The following PACS1 variants were observed in gnomAD, a reference collection of about 807,000 sequenced individuals.
PACS1 encodes the protein phosphofurin acidic cluster sorting protein 1.
PACS1 carries 24 observed loss-of-function variants against 115.0 expected under a neutral mutation model. The observed-to-expected ratio is 0.21, with a 90% CI of 0.15 to 0.29. The LOEUF (loss-of-function observed/expected upper bound fraction) is 0.29, where lower values mean the gene tolerates loss of function less well. Among genes scored for constraint, PACS1 ranks in the 10% least tolerant of loss-of-function variants. The probability of loss-of-function intolerance (pLI) is 1.00; values close to 1 mark genes in which losing one functional copy is unlikely to be tolerated. For missense variants in PACS1, 838 were observed against 1,251.2 expected, an observed-to-expected ratio of 0.67 and a Z score of 4.98; for synonymous variants, 453 against 504.5, an observed-to-expected ratio of 0.90 and a Z score of 1.37.
At chr11:66,111,196 G>C (rs914746408) in intron 1 of PACS1, among the ~76,000 whole-genome samples, 1 of 152,130 alleles carries the variant, frequency 6.6e-6, no homozygotes. Context: ...AGTGGTATTT[G>C]TGGATCTAAA....
At chr11:66,202,742 A>AAAAAAAAAATATATATATAT (rs1200930188) in intron 2 of PACS1, among the ~76,000 whole-genome samples, 1 of 71,608 alleles carries the variant, frequency 1.4e-5, no homozygotes, top group African/African-American at 7.9e-5. Flanking sequence ...AAAAAAAAAA[A>AAAAAAAAAATATATATATAT]ATATATATAT....
intron 8 of PACS1, 74 bp from the exon 9 acceptor site, chr11:66,220,557 A>AG (rs1855318986): frequency 7.6e-6 from 11 of 1,442,698 alleles, no homozygotes; most frequent in Non-Finnish European, 1.9e-6. Context: ...GCAGCCCAGG[A>AG]GAAAGGAGCT....
intron 1 of PACS1, among the ~76,000 whole-genome samples, chr11:66,141,804 GTTTGT>G (rs1427820317): frequency 6.6e-6 from 1 of 151,728 alleles, no homozygotes; most frequent in East Asian, 2.0e-4. Flanking sequence ...GTTGTTTTTT[GTTTGT>G]TTTGTTTTGT....
At chr11:66,117,879 T>C (rs548872527) in intron 1 of PACS1, among the ~76,000 whole-genome samples, 5 of 152,284 alleles carry the variant, frequency 3.3e-5, no homozygotes, top group African/African-American at 1.2e-4. Flanking sequence ...GTTTGTTTCC[T>C]CTTTGATGCT....
Position 66,235,427 on chromosome 11 carries a change from C to T in PACS1, c.2207+24C>T, listed in dbSNP as rs781257952. The T allele has an allele frequency of 2.0e-6, 3 of 1,537,994 alleles. No homozygotes were observed. The highest frequency in any genetic ancestry group is 4.5e-5 in the East Asian group (2 of 44,462). The stretch of plus-strand genomic sequence containing the variant: ...TTGTAAGTTTGACTTTGAGGGGTTT[C>T]TTAAAAATAGGTTGGGTGGGTTAGA... On this transcript the variant is annotated intron_variant, in intron 18 of 23. Transcript: ENST00000320580. This position sits in a 1 kb window ranked among gnomAD's most constrained non-coding sequence, Gnocchi z 5.6.
chr11:66,220,328 T>C lies in PACS1; in HGVS notation c.1039-303T>C, dbSNP rs146213795. ...TGAGAGCGATTGCTTCGCCTTCCTG[T>C]GAGCTGTAAGGAGGGTAGGAAGAAC... On this transcript the variant is annotated intron_variant, in intron 8 of 23. Transcript: ENST00000320580. 1.9e-3 allele frequency: 731 copies of C among 382,410 alleles called. 5 individuals carry two copies. The highest frequency in any genetic ancestry group is 0.013 in the African/African-American group (630 of 49,184). 23.7% of individuals were successfully genotyped at this position (382,410 alleles called of 1,614,324 possible).
At chr11:66,090,005 C>CAAAAAA (rs33912143) in intron 1 of PACS1, among the ~76,000 whole-genome samples, 29 of 80,498 alleles carry the variant, frequency 3.6e-4, no homozygotes, top group African/African-American at 4.1e-4. Flanking sequence ...GACTCCATCT[C>CAAAAAA]AAAAAAAAAA....
chr11:66,150,868 G>C (rs1859218723), intron 1 of PACS1, among the ~76,000 whole-genome samples: 1 of 152,088 alleles, frequency 6.6e-6, no homozygotes, highest in Non-Finnish European at 1.5e-5. Flanking sequence ...ATAATAGAAG[G>C]AGCAAGAATT....
chr11:66,231,622 C>A (rs958409910), intron 13 of PACS1, among the ~76,000 whole-genome samples: 9 of 152,098 alleles, frequency 5.9e-5, no homozygotes, highest in African/African-American at 2.2e-4. Flanking sequence ...GAGCTCCATG[C>A]TATTACATGG....
chr11:66,192,533 TGCAAGACA>T (rs1222929410), intron 1 of PACS1, among the ~76,000 whole-genome samples: 2 of 152,100 alleles, frequency 1.3e-5, no homozygotes, highest in Non-Finnish European at 2.9e-5. Context: ...GCTGTGGAGA[TGCAAGACA>T]GGGGCCTGAG....
chr11:66,224,165 C>G (rs571238793), intron 10 of PACS1, among the ~76,000 whole-genome samples: 1 of 130,806 alleles, frequency 7.6e-6, no homozygotes, highest in Admixed American at 9.5e-5. Context: ...CACTGCACTC[C>G]AGCCTGGGTA....
intron 2 of PACS1, among the ~76,000 whole-genome samples, chr11:66,197,400 T>C (rs1854674335): frequency 1.3e-5 from 2 of 152,224 alleles, no homozygotes; most frequent in Non-Finnish European, 2.9e-5. Flanking sequence ...GTCTTATTGA[T>C]ATTATTTAAA....
intron 1 of PACS1, among the ~76,000 whole-genome samples, chr11:66,105,347 G>C (rs1184572639): frequency 6.6e-6 from 1 of 152,038 alleles, no homozygotes; most frequent in Non-Finnish European, 1.5e-5. Context: ...CGCTTGAACC[G>C]GGGAGGCAGA....
chr11:66,233,720 G>T lies in PACS1; in HGVS notation c.1839-65G>T. 1 of 1,499,300 alleles carries T rather than the reference G, an allele frequency of 6.7e-7. No homozygotes were observed. The highest frequency in any genetic ancestry group is 9.0e-7 in the Non-Finnish European group (1 of 1,111,854). The allele number at this position is 1,499,300 out of a possible 1,614,324, so 92.9% of individuals were successfully genotyped here. A position where few individuals can be genotyped will look rare whatever the true frequency, so the allele number is the denominator to read the frequency against. On this transcript the variant is annotated intron_variant, in intron 15 of 23. Transcript: ENST00000320580. The surrounding 1 kb of genome is among the most constrained non-coding windows in gnomAD (Gnocchi z 4.5). ...GTTGAGATCACAGAAAGTCAGCTCT[G>T]GGCCTCCCCCGGGCAGGATCCTGGC... is the stretch of plus-strand genomic sequence containing the variant.
intron 1 of PACS1, 35 bp from the exon 2 acceptor site, chr11:66,193,451 G>GC (rs1565141453): frequency 7.0e-7 from 1 of 1,435,398 alleles, no homozygotes; most frequent in Non-Finnish European, 9.8e-7. Flanking sequence ...CAAGTTCCTC[G>GC]CATATGACAG....
At chr11:66,227,018 T>TGTTAGAGTGA (rs1855481659) in intron 10 of PACS1, among the ~76,000 whole-genome samples, 1 of 152,352 alleles carries the variant, frequency 6.6e-6, no homozygotes, top group East Asian at 1.9e-4. Context: ...TAGTATATCC[T>TGTTAGAGTGA]GTTAGAGGGT....
At chr11:66,210,340 A>G (rs1395655124) in intron 2 of PACS1, 22 bp from the exon 3 acceptor site, 3 of 1,603,906 alleles carry the variant, frequency 1.9e-6, no homozygotes, top group Admixed American at 3.3e-5. Context: ...CTGGCCAAAC[A>G]GACTTTTCTT....
chr11:66,091,958 T>C (rs1359485204), intron 1 of PACS1, among the ~76,000 whole-genome samples: 1 of 152,132 alleles, frequency 6.6e-6, no homozygotes. Flanking sequence ...TCTTTGCTAT[T>C]GTGAATAGTG....
intron 1 of PACS1, among the ~76,000 whole-genome samples, chr11:66,110,074 A>C (rs769137827): frequency 6.6e-6 from 1 of 152,136 alleles, no homozygotes; most frequent in Non-Finnish European, 1.5e-5. Flanking sequence ...CTTGGTTGCC[A>C]TTTACTTTAA....
Sources: gnomAD v4.1 joint callset for allele counts (sites outside exome capture counted in the v4.1 genomes callset) on GRCh38, gnomAD v4.1.1 for gene constraint, Gnocchi (gnomAD v3.1) non-coding constraint, MANE v1.5 for transcripts, NCBI Gene and HGNC (gene_info 2026-07-23, HGNC 2026-07-21) for gene names.